The following RETREG1 variants were observed in gnomAD, a reference collection of about 807,000 sequenced individuals.
The protein encoded by RETREG1 is family with sequence similarity 134 member B.
Under a neutral mutation model 54.8 loss-of-function variants are expected in RETREG1, and 44 were observed. The observed-to-expected ratio is 0.80, with a 90% CI of 0.63 to 1.03. The LOEUF is 1.03. Ranked by LOEUF, RETREG1 falls within the 50% of genes least tolerant of loss-of-function variation. The probability of loss-of-function intolerance (pLI) is 0.00; values close to 1 mark genes in which losing one functional copy is unlikely to be tolerated. For synonymous variants in RETREG1, 217 were observed against 238.5 expected (o/e 0.91, Z 0.83); for missense variants, 554 against 605.1 (o/e 0.92, Z 0.89).
intron 3 of RETREG1, among the ~76,000 whole-genome samples, chr5:16,541,426 A>G (rs890702546): frequency 3.3e-5 from 5 of 152,216 alleles, no homozygotes; most frequent in African/African-American, 9.6e-5. Context: ...GCGGTGGCTC[A>G]CGCCTGTAAT....
In RETREG1 at chr5:16,475,021, G is replaced by C; in HGVS notation, c.1214C>G (p.Thr405Ser). 1 of 1,613,750 alleles carries C rather than the reference G, an allele frequency of 6.2e-7. No homozygotes were observed. ...AGCCAGGTTGCTCATCAGGTGAAAG[G>C]TTTGGTCACTGTTCAGAGGAAGGGT... ...GLTLPLNSDQ[T>S]FHLMSNLAGD... Residue 405 changes from threonine (T) to serine (S), a missense_variant, in exon 9 of 9, where the codon ACC becomes AGC. Thr to Ser is a moderately conservative substitution (Grantham distance 58, BLOSUM62 1). This residue lies in a region of RETREG1 where 347 missense variants were observed against 412.3 expected (regional missense o/e 0.84). Coordinates refer to ENST00000306320, the MANE Select transcript of RETREG1 (RefSeq NM_001034850.3).
intron 3 of RETREG1, among the ~76,000 whole-genome samples, chr5:16,548,202 C>T (rs1273506152): frequency 3.9e-5 from 6 of 152,168 alleles, no homozygotes; most frequent in Non-Finnish European, 7.3e-5. Context: ...TACGTCCATA[C>T]TCTCACCATG....
intron 3 of RETREG1, among the ~76,000 whole-genome samples, chr5:16,515,792 C>G (rs1027678809): frequency 6.6e-6 from 1 of 152,162 alleles, no homozygotes; most frequent in African/African-American, 2.4e-5. Context: ...AATTAGAAAG[C>G]TCCTAGAGCC....
At chr5:16,514,188 T>C (rs1740272244) in intron 3 of RETREG1, among the ~76,000 whole-genome samples, 1 of 152,202 alleles carries the variant, frequency 6.6e-6, no homozygotes, top group African/African-American at 2.4e-5. Context: ...GCTTGATTTA[T>C]GGGGAGGAGA....
chr5:16,474,927 A>C lies in RETREG1; in HGVS notation c.1308T>G (p.Leu436=). Residue 436 remains leucine, a synonymous_variant, in exon 9 of 9, where the codon CTT becomes CTG. Coordinates refer to ENST00000306320, the MANE Select transcript of RETREG1 (RefSeq NM_001034850.3). ...CTTCTGGGATGGGGGCAGCCTGAGA[A>C]AGTGCTTGCTGCACACCCTCTAACT... ...KDQLEGVQQA[L]SQAAPIPEED... is the part of the protein sequence containing the mutation. 1.9e-6 allele frequency: 3 copies of C among 1,613,888 alleles called. No homozygotes were observed. In the South Asian group the frequency reaches 3.3e-5, roughly 18 times the overall value.
At chr5:16,477,877 G>A in intron 7 of RETREG1, 89 bp from the exon 8 acceptor site, 8 of 1,530,390 alleles carry the variant, frequency 5.2e-6, no homozygotes, top group Non-Finnish European at 7.2e-6. Flanking sequence ...CAAAATGACA[G>A]AGTAATAAAA....
chr5:16,550,259 C>T (rs895988498), intron 3 of RETREG1, among the ~76,000 whole-genome samples: 4 of 132,126 alleles, frequency 3.0e-5, no homozygotes, highest in Non-Finnish European at 6.7e-5. Context: ...CTGCATAGTC[C>T]CTCCTCTTTA....
At chr5:16,616,454 C>T (rs1195352514) in intron 1 of RETREG1, 198 bp downstream of exon 1, 1 of 1,011,470 alleles carries the variant, frequency 9.9e-7, no homozygotes, top group Non-Finnish European at 1.4e-6. Context: ...ACGACAACTG[C>T]TCACAGGGAC....
chr5:16,479,015 A>T (rs1738656299), intron 5 of RETREG1, 28 bp from the exon 6 acceptor site: 3 of 1,608,950 alleles, frequency 1.9e-6, no homozygotes, highest in Admixed American at 3.3e-5. Context: ...GCAGAGGTAA[A>T]ATGCCTTTCC....
At chr5:16,497,844 A>G (rs755474500) in intron 3 of RETREG1, among the ~76,000 whole-genome samples, 1 of 152,180 alleles carries the variant, frequency 6.6e-6, no homozygotes, top group Non-Finnish European at 1.5e-5. Flanking sequence ...GAGAGAATGA[A>G]GTCATCAAAC....
intron 1 of RETREG1, among the ~76,000 whole-genome samples, chr5:16,607,230 T>C (rs1743213664): frequency 6.6e-6 from 1 of 152,164 alleles, no homozygotes; most frequent in Non-Finnish European, 1.5e-5. Flanking sequence ...TTTTTACCAC[T>C]TTCACCACTA....
rs577846567 is a variant in RETREG1, at chr5:16,528,616, G to A, written c.458+37147C>T. Among the ~76,000 whole-genome samples the A allele has an allele frequency of 1.3e-5, 2 of 152,196 alleles. 1 individual carries two copies. Among genetic ancestry groups the A allele is most frequent in the South Asian group, 4.1e-4 (2 of 4,832 alleles). On this transcript the variant is annotated intron_variant, in intron 3 of 8. Transcript: ENST00000306320. Reference sequence around the variant, plus strand: ...GACACATCTGGAGACAAAGCCAAGAGGGTTTCCCAGCAGGTGGGATATGTG... The same window carrying A: ...GACACATCTGGAGACAAAGCCAAGAAGGTTTCCCAGCAGGTGGGATATGTG...
intron 1 of RETREG1, among the ~76,000 whole-genome samples, chr5:16,577,268 G>A (rs1001625775): frequency 1.3e-5 from 2 of 150,496 alleles, no homozygotes; most frequent in African/African-American, 4.9e-5. Flanking sequence ...TGGATCTAGA[G>A]GCTTGATAAG....
At chr5:16,616,445 C>T in intron 1 of RETREG1, 1 of 931,740 alleles carries the variant, frequency 1.1e-6, no homozygotes, top group South Asian at 1.9e-5. Flanking sequence ...ACACGGAGAA[C>T]GACAACTGCT....
In RETREG1 at chr5:16,602,430, A is replaced by G. The variant is rs567725920; in HGVS notation, c.320+14222T>C. Among the ~76,000 whole-genome samples, 9 of 152,274 alleles carry G rather than the reference A, an allele frequency of 5.9e-5. No individual in the cohort carries two copies. The East Asian group carries it at 1.5e-3, about 26-fold the overall frequency. Reference sequence around the variant, plus strand: ...AGAAGGATGGAAACTGAGAGGAACTAAGAGGCGAGTTCCTGGGAACTCTGG... The same window carrying G: ...AGAAGGATGGAAACTGAGAGGAACTGAGAGGCGAGTTCCTGGGAACTCTGG... On this transcript the variant is annotated intron_variant, in intron 1 of 8. Transcript: ENST00000306320.
chr5:16,569,287 C>CTT (rs59365372), intron 2 of RETREG1, among the ~76,000 whole-genome samples: 22 of 140,806 alleles, frequency 1.6e-4, no homozygotes, highest in African/African-American at 5.3e-4. Flanking sequence ...CCATTTCTTT[C>CTT]TTTTTTTTTT....
chr5:16,564,006 T>C (rs1741940787), intron 3 of RETREG1, among the ~76,000 whole-genome samples: 1 of 152,214 alleles, frequency 6.6e-6, no homozygotes, highest in South Asian at 2.1e-4. Flanking sequence ...ACAAACTTTT[T>C]TGTTATTCCT....
chr5:16,613,895 A>G (rs1432197810), intron 1 of RETREG1, among the ~76,000 whole-genome samples: 3 of 152,208 alleles, frequency 2.0e-5, no homozygotes, highest in African/African-American at 7.2e-5. Flanking sequence ...TAACCCCCAG[A>G]GCAACAAATA....
chr5:16,474,600 A>T lies in RETREG1; in HGVS notation c.*141T>A. On this transcript the variant is annotated 3_prime_UTR_variant, in exon 9 of 9. Coordinates refer to ENST00000306320, the MANE Select transcript of RETREG1 (RefSeq NM_001034850.3). ...CAGCTGATATATATCCAATTAATTC[A>T]CTGCAGGAGGGAAAATAAAACAAAT... The T allele has an allele frequency of 2.1e-6, 2 of 962,182 alleles. No homozygotes were observed. Among genetic ancestry groups the T allele is most frequent in the Non-Finnish European group, 3.1e-6 (2 of 653,692 alleles). 59.6% of individuals were successfully genotyped at this position (962,182 alleles called of 1,614,324 possible).
Sources: allele counts gnomAD v4.1 joint callset (sites outside exome capture counted in the v4.1 genomes callset), GRCh38; gene constraint gnomAD v4.1.1; regional missense constraint gnomAD v4.1.1; transcripts MANE v1.5; gene names NCBI Gene and HGNC (gene_info 2026-07-23, HGNC 2026-07-21).